The following RIMS1 variants were observed in gnomAD, a reference collection of about 807,000 sequenced individuals.
RIMS1 encodes the protein regulating synaptic membrane exocytosis protein 1.
Under a neutral mutation model 214.1 loss-of-function variants are expected in RIMS1, and 83 were observed. That is an observed-to-expected ratio of 0.39 (90% CI 0.32 to 0.47). RIMS1 has a LOEUF of 0.47. Ranked by LOEUF, RIMS1 falls within the 20% of genes least tolerant of loss-of-function variation. The pLI, the probability that RIMS1 is intolerant of heterozygous loss-of-function variation, is 0.99. For synonymous variants in RIMS1, 793 were observed against 786.8 expected (o/e 1.01, Z -0.13); for missense variants, 2,050 against 2,161.8 (o/e 0.95, Z 1.03).
At chr6:71,935,416 T>C (rs1248883675) in intron 1 of RIMS1, among the ~76,000 whole-genome samples, 1 of 152,218 alleles carries the variant, frequency 6.6e-6, no homozygotes, top group Non-Finnish European at 1.5e-5. Flanking sequence ...CCATATATTT[T>C]CACATATGTG....
intron 31 of RIMS1, 21 bp from the exon 32 acceptor site, chr6:72,398,228 C>T (rs557690123): frequency 2.7e-5 from 40 of 1,485,888 alleles, no homozygotes; most frequent in Middle Eastern, 3.4e-4. Context: ...TGAAACACAT[C>T]TTGCTCCTTT....
chr6:71,993,014 T>C (rs1802360958), intron 2 of RIMS1, among the ~76,000 whole-genome samples: 1 of 152,188 alleles, frequency 6.6e-6, no homozygotes, highest in Non-Finnish European at 1.5e-5. Flanking sequence ...GGACTGCTAA[T>C]TGGAATTTAA....
At chr6:72,012,595 G>A (rs1264502811) in intron 2 of RIMS1, among the ~76,000 whole-genome samples, 1 of 152,072 alleles carries the variant, frequency 6.6e-6, no homozygotes, top group Non-Finnish European at 1.5e-5. Context: ...TATATGTTTT[G>A]AGGCATAGAA....
chr6:72,399,535 G>A (rs1418330426), intron 33 of RIMS1, among the ~76,000 whole-genome samples: 1 of 152,140 alleles, frequency 6.6e-6, no homozygotes, highest in East Asian at 1.9e-4. Context: ...AAGAGGAAGA[G>A]GGAGAGGAAA....
chr6:72,333,519 C>T (rs2154341945), intron 28 of RIMS1, 81 bp from the exon 29 acceptor site: 1 of 1,159,034 alleles, frequency 8.6e-7, no homozygotes, highest in Non-Finnish European at 1.2e-6. Context: ...TGGATTATTT[C>T]AAAATAAATT....
At position 72,250,477 on chromosome 6, in the gene RIMS1, G is replaced by GAAAAAA; in HGVS notation, c.2372+22_2372+27dup. The GAAAAAA allele has an allele frequency of 7.0e-7, 1 of 1,435,448 alleles. No homozygotes were observed. Among genetic ancestry groups the GAAAAAA allele is most frequent in the Non-Finnish European group, 9.4e-7 (1 of 1,068,492 alleles). The allele number at this position is 1,435,448 out of a possible 1,614,324, so 88.9% of individuals were successfully genotyped here. ...AGATAGAAGGTAGTGAATAATTTTA[G>GAAAAAA]AAAAAAAAAATCTTAAAATCTGTAC... On this transcript the variant is annotated intron_variant, in intron 13 of 33. Coordinates refer to ENST00000521978, the MANE Select transcript of RIMS1 (RefSeq NM_014989.7).
At chr6:72,361,090 T>G (rs1564510866) in intron 29 of RIMS1, among the ~76,000 whole-genome samples, 1 of 144,126 alleles carries the variant, frequency 6.9e-6, no homozygotes, top group African/African-American at 2.6e-5. Context: ...GAACGGGTCT[T>G]TCTTTCTTTT....
At chr6:72,099,704 C>A (rs531261287) in intron 3 of RIMS1, among the ~76,000 whole-genome samples, 3 of 152,100 alleles carry the variant, frequency 2.0e-5, no homozygotes, top group African/African-American at 7.2e-5. Context: ...ATTTACTAAT[C>A]CAAGTTCTAA....
In RIMS1 at chr6:72,183,103, C is replaced by T. The variant is rs749256312; in HGVS notation, c.1632C>T (p.Thr544=). 3 of 1,591,794 alleles carry T rather than the reference C, an allele frequency of 1.9e-6. No homozygotes were observed. In the Admixed American group the frequency reaches 5.3e-5, roughly 28 times the overall value. ...EEEGVSTPEY[T]SCEDVELESE... Reference sequence around the variant, plus strand: ...AGGGCGTGTCGACGCCCGAGTACACCAGCTGCGAGGACGTGGAGCTGGAGA... The same window carrying T: ...AGGGCGTGTCGACGCCCGAGTACACTAGCTGCGAGGACGTGGAGCTGGAGA... The change falls in exon 6 of 34, where the codon ACC becomes ACT. Residue 544 remains threonine, a synonymous_variant. Transcript: ENST00000521978.
At chr6:72,277,414 T>C (rs2154199845) in intron 23 of RIMS1, among the ~76,000 whole-genome samples, 1 of 152,208 alleles carries the variant, frequency 6.6e-6, no homozygotes, top group African/African-American at 2.4e-5. Context: ...ACCCCGTCTC[T>C]GCTAAAAATA....
intron 1 of RIMS1, among the ~76,000 whole-genome samples, chr6:71,960,232 G>A (rs764711804): frequency 2.6e-5 from 4 of 151,894 alleles, no homozygotes; most frequent in Non-Finnish European, 5.9e-5. Context: ...CAATGAAGTC[G>A]GTGATTGTTT....
At chr6:72,022,531 GGTT>G (rs1170120194) in intron 2 of RIMS1, among the ~76,000 whole-genome samples, 1 of 152,084 alleles carries the variant, frequency 6.6e-6, no homozygotes. Flanking sequence ...CTTAGTGTAT[GGTT>G]GTTAACTTCA....
At chr6:71,984,743 GTGTA>G (rs68138613) in intron 2 of RIMS1, among the ~76,000 whole-genome samples, 60,706 of 148,966 alleles carry the variant, frequency 0.41, 12,609 homozygotes, top group East Asian at 0.56. Flanking sequence ...GTATCCATCT[GTGTA>G]TGTATGTATG....
At chr6:72,191,266 T>C (rs936823872) in intron 6 of RIMS1, among the ~76,000 whole-genome samples, 1 of 152,240 alleles carries the variant, frequency 6.6e-6, no homozygotes, top group Admixed American at 6.5e-5. Flanking sequence ...GCTTCTTTCT[T>C]GGTTGTAGAA....
chr6:72,332,292 T>A (rs1029584785), intron 28 of RIMS1, among the ~76,000 whole-genome samples: 1 of 151,556 alleles, frequency 6.6e-6, no homozygotes, highest in African/African-American at 2.4e-5. Context: ...AACATAAAAT[T>A]AAGAGGGTCA....
intron 2 of RIMS1, among the ~76,000 whole-genome samples, chr6:72,079,714 T>C (rs1832803364): frequency 1.3e-5 from 2 of 151,918 alleles, no homozygotes; most frequent in Admixed American, 1.3e-4. Flanking sequence ...TGAGACCCTG[T>C]ATCTACAAAA....
intron 29 of RIMS1, among the ~76,000 whole-genome samples, chr6:72,389,598 A>C (rs1172788278): frequency 6.6e-6 from 1 of 152,132 alleles, no homozygotes; most frequent in African/African-American, 2.4e-5. Context: ...TTGAAAAGTT[A>C]ATGTGTTTAT....
intron 2 of RIMS1, among the ~76,000 whole-genome samples, chr6:72,070,722 A>T (rs1182588583): frequency 1.3e-5 from 2 of 152,186 alleles, no homozygotes; most frequent in Non-Finnish European, 1.5e-5. Flanking sequence ...ACATTTTAAA[A>T]TTTCTTTGGT....
At chr6:72,227,447 C>G (rs538603547) in intron 6 of RIMS1, among the ~76,000 whole-genome samples, 4 of 151,646 alleles carry the variant, frequency 2.6e-5, no homozygotes, top group African/African-American at 9.7e-5. Context: ...CCTTCTGAGT[C>G]GAATGACTGA....
Sources: gnomAD v4.1 joint callset for allele counts (sites outside exome capture counted in the v4.1 genomes callset) on GRCh38, gnomAD v4.1.1 for gene constraint, MANE v1.5 for transcripts, NCBI Gene and HGNC (gene_info 2026-07-23, HGNC 2026-07-21) for gene names.